SAMMSON: variants seen among roughly 807,000 people sequenced by gnomAD.
SAMMSON encodes the protein long intergenic non-protein coding RNA 1212.
At chr3:70,375,336 AT>A (rs1029129939) in intron 9 of SAMMSON, among the ~76,000 whole-genome samples, 1 of 142,180 alleles carries the variant, frequency 7.0e-6, no homozygotes, top group African/African-American at 2.6e-5. Context: ...TATGGTTGTA[AT>A]TTTTTTCTGC....
chr3:70,108,423 CTTTTTTT>C (rs61561713), intron 4 of SAMMSON, among the ~76,000 whole-genome samples: 1 of 89,376 alleles, frequency 1.1e-5, no homozygotes, highest in Non-Finnish European at 2.2e-5. Context: ...CTTGCGGTTC[CTTTTTTT>C]TTTTTTTTTT....
At chr3:70,054,597 A>G (rs2107590173) in intron 3 of SAMMSON, among the ~76,000 whole-genome samples, 1 of 152,216 alleles carries the variant, frequency 6.6e-6, no homozygotes, top group East Asian at 1.9e-4. Context: ...GACCATGGTC[A>G]CCATGTATAA....
chr3:70,393,781 C>A (rs539589535), downstream of SAMMSON, among the ~76,000 whole-genome samples: 14 of 152,174 alleles, frequency 9.2e-5, no homozygotes, highest in Admixed American at 5.2e-4. Context: ...AGAGCAAACT[C>A]ATAAGGCAGA....
At chr3:70,257,494 AAAG>A (rs796219398) in intron 6 of SAMMSON, among the ~76,000 whole-genome samples, 35 of 152,218 alleles carry the variant, frequency 2.3e-4, no homozygotes, top group African/African-American at 7.0e-4. Context: ...GGAGGAAGGG[AAAG>A]AAGGGAAGAA....
intron 6 of SAMMSON, among the ~76,000 whole-genome samples, chr3:70,263,934 T>A (rs1176338154): frequency 6.6e-6 from 1 of 152,196 alleles, no homozygotes; most frequent in Admixed American, 6.5e-5. Context: ...GGTTGTTGAA[T>A]ACATTATTTC....
intron 4 of SAMMSON, among the ~76,000 whole-genome samples, chr3:70,144,668 G>A (rs1228067669): frequency 6.6e-6 from 1 of 152,138 alleles, no homozygotes; most frequent in Non-Finnish European, 1.5e-5. Flanking sequence ...GAGGGACCCA[G>A]TGGGAGATGA....
intron 4 of SAMMSON, among the ~76,000 whole-genome samples, chr3:70,093,765 A>G (rs1172414070): frequency 6.6e-6 from 1 of 152,108 alleles, no homozygotes; most frequent in Non-Finnish European, 1.5e-5. Context: ...AGAGATGCAA[A>G]CTGAGACTCA....
chr3:70,015,826 T>C lies in SAMMSON; in HGVS notation n.417+2154T>C, dbSNP rs938599039. ...AGAACATGTGGTGTTTGCTTTTTTG[T>C]TCTTGTGATAGTTTGCTGAGAATGA... On this transcript the variant is annotated intron_variant and non_coding_transcript_variant, in intron 3 of 9. Transcript: ENST00000642114. 9.4e-4 allele frequency among the ~76,000 whole-genome samples: 143 copies of C among 152,256 alleles called. 1 individual carries two copies. Among genetic ancestry groups the C allele is most frequent in the African/African-American group, 3.4e-3 (141 of 41,540 alleles).
intron 4 of SAMMSON, among the ~76,000 whole-genome samples, chr3:70,200,851 G>A (rs1328413522): frequency 6.6e-6 from 1 of 151,920 alleles, no homozygotes; most frequent in East Asian, 1.9e-4. Flanking sequence ...AGATCGTAGA[G>A]CAGAGATTCA....
At chr3:70,187,254 A>C (rs1701097986) in intron 4 of SAMMSON, among the ~76,000 whole-genome samples, 1 of 152,130 alleles carries the variant, frequency 6.6e-6, no homozygotes, top group African/African-American at 2.4e-5. Context: ...TTATGGTTTC[A>C]TCAGAGTACC....
At chr3:70,409,861 C>T (rs1409246309) in intron 2 of SAMMSON, among the ~76,000 whole-genome samples, 2 of 151,990 alleles carry the variant, frequency 1.3e-5, no homozygotes, top group East Asian at 3.9e-4. Context: ...GGGTACATGT[C>T]CCGCTTTGTT....
At chr3:70,213,436 A>G (rs924144687) in intron 4 of SAMMSON, among the ~76,000 whole-genome samples, 8 of 152,146 alleles carry the variant, frequency 5.3e-5, no homozygotes, top group African/African-American at 1.7e-4. Context: ...TTTCAAACGT[A>G]TAGACCATTT....
chr3:70,347,345 A>G (rs944650880), intron 7 of SAMMSON, among the ~76,000 whole-genome samples: 1 of 152,230 alleles, frequency 6.6e-6, no homozygotes, highest in Admixed American at 6.5e-5. Context: ...GGCAATTAAA[A>G]GATAGAAATA....
chr3:70,332,651 A>T (rs1002480190), intron 7 of SAMMSON: 2 of 151,848 alleles, frequency 1.3e-5, no homozygotes, highest in African/African-American at 4.8e-5. Flanking sequence ...GCTGGAGTGC[A>T]GTGTGGCACG....
At chr3:70,081,713 C>G (rs1191251039) in intron 4 of SAMMSON, among the ~76,000 whole-genome samples, 2 of 152,202 alleles carry the variant, frequency 1.3e-5, no homozygotes, top group Non-Finnish European at 2.9e-5. Context: ...ACATGTTTCA[C>G]TGGCAAAGAG....
At chr3:70,011,735 A>T (rs376844945) in intron 1 of SAMMSON, among the ~76,000 whole-genome samples, 1 of 152,002 alleles carries the variant, frequency 6.6e-6, no homozygotes, top group Non-Finnish European at 1.5e-5. Context: ...CTATAATGCC[A>T]TTCAAACATA....
intron 3 of SAMMSON, among the ~76,000 whole-genome samples, chr3:70,023,501 T>G (rs1341372815): frequency 1.3e-5 from 2 of 152,068 alleles, no homozygotes; most frequent in Non-Finnish European, 2.9e-5. Flanking sequence ...TATTCTTTAT[T>G]TATAATATGT....
intron 6 of SAMMSON, among the ~76,000 whole-genome samples, chr3:70,285,229 C>T (rs1156739173): frequency 7.5e-6 from 1 of 132,840 alleles, no homozygotes; most frequent in East Asian, 2.3e-4. Context: ...CACAACAGTC[C>T]CCAGAGTGTG....
At chr3:70,088,898 C>T (rs1473955944) in intron 4 of SAMMSON, among the ~76,000 whole-genome samples, 1 of 151,962 alleles carries the variant, frequency 6.6e-6, no homozygotes, top group South Asian at 2.1e-4. Context: ...TGTTGATAAC[C>T]ATGAACTGTG....
Sources: gnomAD v4.1 joint callset for allele counts (sites outside exome capture counted in the v4.1 genomes callset) on GRCh38, gnomAD v4.1.1 for gene constraint, MANE v1.5 for transcripts, NCBI Gene and HGNC (gene_info 2026-07-23, HGNC 2026-07-21) for gene names.